BTLA: variants seen among roughly 807,000 people sequenced by gnomAD.
The protein encoded by BTLA is B- and T-lymphocyte attenuator.
Under a neutral mutation model 25.0 loss-of-function variants are expected in BTLA, and 11 were observed. That is an observed-to-expected ratio of 0.44 (90% CI 0.28 to 0.73). The LOEUF (loss-of-function observed/expected upper bound fraction) is 0.73, where lower values mean the gene tolerates loss of function less well. Among genes scored for constraint, BTLA ranks in the 30% least tolerant of loss-of-function variants. The probability of loss-of-function intolerance (pLI) is 0.15; values close to 1 mark genes in which losing one functional copy is unlikely to be tolerated. For missense variants in BTLA, 282 were observed against 332.8 expected (o/e 0.85, Z 1.19); for synonymous variants, 104 against 119.8 (o/e 0.87, Z 0.86).
Position 112,469,629 on chromosome 3 carries a change from A to AGTACATAGAATATG in BTLA, c.594+128_594+129insCATATTCTATGTAC, listed in dbSNP as rs71631392. 4.1e-3 allele frequency: 526 copies of AGTACATAGAATATG among 127,424 alleles called. 12 individuals carry two copies. Among genetic ancestry groups the AGTACATAGAATATG allele is most frequent in the Non-Finnish European group, 6.6e-3 (438 of 66,276 alleles). 7.9% of individuals were successfully genotyped at this position (127,424 alleles called of 1,614,324 possible). ...TATGTATATATATATATATATATAT[A>AGTACATAGAATATG]TATATATATATATATATATAGTACA... is the stretch of plus-strand genomic sequence containing the variant. On this transcript the variant is annotated intron_variant, in intron 4 of 4. Coordinates refer to ENST00000334529, the MANE Select transcript of BTLA (RefSeq NM_181780.4).
chr3:112,464,132 A>G lies in BTLA; in HGVS notation c.*1976T>C, dbSNP rs972494360. 2 of 397,978 alleles carry G rather than the reference A, an allele frequency of 5.0e-6. No individual in the cohort carries two copies. The highest frequency in any genetic ancestry group is 2.1e-5 in the African/African-American group (1 of 48,626). 24.7% of individuals were successfully genotyped at this position (397,978 alleles called of 1,614,324 possible). ...TAGTGAAGTAGAGTCATTTGGGAAA[A>G]TGCATGTATGTCTCTGACACCATTT... is the stretch of plus-strand genomic sequence containing the variant. On this transcript the variant is annotated 3_prime_UTR_variant, in exon 5 of 5. Transcript: ENST00000334529.
intron 1 of BTLA, among the ~76,000 whole-genome samples, chr3:112,483,461 C>T (rs2082329346): frequency 6.6e-6 from 1 of 151,796 alleles, no homozygotes; most frequent in Admixed American, 6.6e-5. Context: ...ATCAATTTAC[C>T]TTCTAGACAC....
At chr3:112,490,374 C>T (rs1220588746) in intron 1 of BTLA, among the ~76,000 whole-genome samples, 1 of 152,154 alleles carries the variant, frequency 6.6e-6, no homozygotes, top group Non-Finnish European at 1.5e-5. Flanking sequence ...AAGGAAAACC[C>T]TGTGATTGTT....
intron 2 of BTLA, among the ~76,000 whole-genome samples, chr3:112,475,957 T>C (rs1382245880): frequency 6.6e-6 from 1 of 152,224 alleles, no homozygotes; most frequent in East Asian, 1.9e-4. Context: ...GAATTAATAA[T>C]GCAATTCTTT....
intron 4 of BTLA, among the ~76,000 whole-genome samples, chr3:112,467,138 T>G (rs2082233553): frequency 6.6e-6 from 1 of 152,150 alleles, no homozygotes; most frequent in African/African-American, 2.4e-5. Context: ...TTTTTTGTAT[T>G]TTTAGTAGAG....
chr3:112,470,018 G>T, intron 3 of BTLA: 1 of 453,652 alleles, frequency 2.2e-6, no homozygotes, highest in East Asian at 3.8e-5. Flanking sequence ...TAGCCCCATG[G>T]CATATCTAAA....
intron 1 of BTLA, among the ~76,000 whole-genome samples, chr3:112,494,358 G>A (rs570151029): frequency 2.0e-5 from 3 of 152,090 alleles, no homozygotes; most frequent in East Asian, 1.9e-4. Context: ...GCAATTCCTC[G>A]ATCTAGAACC....
chr3:112,482,714 T>G (rs944805903), intron 1 of BTLA, among the ~76,000 whole-genome samples: 2 of 152,210 alleles, frequency 1.3e-5, no homozygotes, highest in African/African-American at 4.8e-5. Flanking sequence ...AAGTTCACTT[T>G]AAGACTTCTT....
At chr3:112,495,521 A>G (rs73853433) in intron 1 of BTLA, among the ~76,000 whole-genome samples, 3,063 of 152,340 alleles carry the variant, frequency 0.02, 71 homozygotes, top group African/African-American at 0.058. Context: ...GGAAAAGTAT[A>G]TTCAAGGCTG....
intron 4 of BTLA, among the ~76,000 whole-genome samples, chr3:112,466,812 A>C (rs559716061): frequency 6.6e-6 from 1 of 152,372 alleles, no homozygotes; most frequent in East Asian, 1.9e-4. Context: ...GAGGGCAGAA[A>C]CAATAAATAT....
At chr3:112,483,400 G>A (rs1272809516) in intron 1 of BTLA, among the ~76,000 whole-genome samples, 9 of 151,436 alleles carry the variant, frequency 5.9e-5, no homozygotes, top group African/African-American at 1.2e-4. Flanking sequence ...AGCTCATCTC[G>A]GCCTCCCAAA....
chr3:112,493,655 C>A (rs571592628), intron 1 of BTLA, among the ~76,000 whole-genome samples: 70 of 152,320 alleles, frequency 4.6e-4, no homozygotes, highest in Non-Finnish European at 2.6e-4. Flanking sequence ...GCGTGTCCCA[C>A]CACGCCCAGC....
rs946050306 is a variant in BTLA, at chr3:112,464,370, A to G, written c.*1738T>C. The stretch of plus-strand genomic sequence containing the variant: ...GTGTTCATCTGATAAGAGGACAGCT[A>G]AATGTATCCTCCCCATATTTCCTGT... On this transcript the variant is annotated 3_prime_UTR_variant, in exon 5 of 5. Coordinates refer to ENST00000334529, the MANE Select transcript of BTLA (RefSeq NM_181780.4). 12 of 381,186 alleles carry G rather than the reference A, an allele frequency of 3.1e-5. No individual in the cohort carries two copies. Among genetic ancestry groups the G allele is most frequent in the Non-Finnish European group, 5.1e-5 (11 of 214,654 alleles). The allele number at this position is 381,186 out of a possible 1,614,324, so 23.6% of individuals were successfully genotyped here.
At chr3:112,488,174 C>T (rs2082358724) in intron 1 of BTLA, among the ~76,000 whole-genome samples, 1 of 151,874 alleles carries the variant, frequency 6.6e-6, no homozygotes, top group Non-Finnish European at 1.5e-5. Flanking sequence ...GCCTTGTTTC[C>T]CTCCCTCCAC....
chr3:112,487,742 C>T (rs966806004), intron 1 of BTLA, among the ~76,000 whole-genome samples: 2 of 152,186 alleles, frequency 1.3e-5, no homozygotes, highest in African/African-American at 2.4e-5. Context: ...AAGTCTTACA[C>T]CACTTTTCAA....
At chr3:112,489,775 G>T (rs1465523472) in intron 1 of BTLA, among the ~76,000 whole-genome samples, 1 of 152,202 alleles carries the variant, frequency 6.6e-6, no homozygotes, top group East Asian at 1.9e-4. Flanking sequence ...GCTACAGAAG[G>T]AATGAAGTCT....
chr3:112,495,761 C>T (rs971221135), intron 1 of BTLA, among the ~76,000 whole-genome samples: 2 of 152,146 alleles, frequency 1.3e-5, no homozygotes, highest in African/African-American at 4.8e-5. Context: ...GCTACAAAAC[C>T]TGAACTTCAA....
chr3:112,491,700 T>A (rs540377935), intron 1 of BTLA, among the ~76,000 whole-genome samples: 1 of 152,210 alleles, frequency 6.6e-6, no homozygotes, highest in Admixed American at 6.5e-5. Flanking sequence ...GATATTATTA[T>A]GTTTTCTGAT....
At chr3:112,473,817 T>C (rs1252398725) in intron 2 of BTLA, among the ~76,000 whole-genome samples, 1 of 152,016 alleles carries the variant, frequency 6.6e-6, no homozygotes, top group Admixed American at 6.6e-5. Context: ...GGTTTCACCA[T>C]GTTGACCAGG....
Sources: gnomAD v4.1 joint callset for allele counts (sites outside exome capture counted in the v4.1 genomes callset) on GRCh38, gnomAD v4.1.1 for gene constraint, MANE v1.5 for transcripts, NCBI Gene and HGNC (gene_info 2026-07-23, HGNC 2026-07-21) for gene names.